Variants in YAP1 observed in about 807,000 individuals in gnomAD.
The protein encoded by YAP1 is transcriptional coactivator YAP1.
A neutral mutation model predicts 56.9 loss-of-function variants in YAP1; 5 were observed. The ratio of observed to expected loss-of-function variants is 0.09; its 90% CI spans 0.05 to 0.18. YAP1 has a LOEUF of 0.18. Among genes scored for constraint, YAP1 ranks in the 10% least tolerant of loss-of-function variants. The probability of loss-of-function intolerance (pLI) is 1.00; values close to 1 mark genes in which losing one functional copy is unlikely to be tolerated. For missense variants in YAP1, 539 were observed against 651.8 expected (o/e 0.83, Z 1.88); for synonymous variants, 265 against 248.1 (o/e 1.07, Z -0.64).
intron 2 of YAP1, 43 bp from the exon 3 acceptor site, chr11:102,162,413 A>G: frequency 6.4e-7 from 1 of 1,559,372 alleles, no homozygotes; most frequent in Non-Finnish European, 8.8e-7. Context: ...TGTTTTTGGA[A>G]CCTGGTATTT....
chr11:102,117,230 G>T (rs1299340469), intron 2 of YAP1, among the ~76,000 whole-genome samples: 1 of 152,132 alleles, frequency 6.6e-6, no homozygotes, highest in Non-Finnish European at 1.5e-5. Context: ...GGCTGTCTTT[G>T]TAATCAATAT....
intron 2 of YAP1, among the ~76,000 whole-genome samples, chr11:102,155,789 A>G (rs889572423): frequency 6.6e-6 from 1 of 152,198 alleles, no homozygotes; most frequent in Non-Finnish European, 1.5e-5. Context: ...ATGTCACCAT[A>G]AATATACAGT....
chr11:102,185,890 C>T (rs1201448795), intron 3 of YAP1, 128 bp from the exon 4 acceptor site: 3 of 955,814 alleles, frequency 3.1e-6, no homozygotes, highest in South Asian at 1.9e-5. Context: ...TGAACACAGC[C>T]TTAAATATGT....
intron 3 of YAP1, among the ~76,000 whole-genome samples, chr11:102,173,460 T>C (rs1417035172): frequency 6.6e-6 from 1 of 152,184 alleles, no homozygotes; most frequent in Non-Finnish European, 1.5e-5. Flanking sequence ...AGCTACTTCC[T>C]TAGGTATAGT....
At chr11:102,150,886 T>C (rs7126944) in intron 2 of YAP1, among the ~76,000 whole-genome samples, 87,271 of 149,332 alleles carry the variant, frequency 0.58, 26,329 homozygotes, top group South Asian at 0.76. Context: ...CTGCAGTCTC[T>C]GCCTCCTAGG....
At chr11:102,205,846 C>G (rs780745778) in intron 4 of YAP1, 47 bp from the exon 5 acceptor site, 9 of 1,448,190 alleles carry the variant, frequency 6.2e-6, no homozygotes, top group Non-Finnish European at 8.2e-6. Flanking sequence ...ATTTTATCTT[C>G]CTTCACTAGT....
At chr11:102,150,639 G>A (rs1227490256) in intron 2 of YAP1, among the ~76,000 whole-genome samples, 1 of 151,950 alleles carries the variant, frequency 6.6e-6, no homozygotes, top group East Asian at 1.9e-4. Context: ...ATAGCATTGT[G>A]TATGGCTTAC....
intron 2 of YAP1, among the ~76,000 whole-genome samples, chr11:102,159,240 C>T (rs925316154): frequency 6.6e-6 from 1 of 152,094 alleles, no homozygotes; most frequent in African/African-American, 2.4e-5. Context: ...TGTGGTGCCG[C>T]ACAGGTCCTC....
intron 4 of YAP1, among the ~76,000 whole-genome samples, chr11:102,196,680 A>G (rs1426260488): frequency 4.6e-5 from 7 of 150,842 alleles, no homozygotes; most frequent in African/African-American, 7.3e-5. Flanking sequence ...GATCGTGGCA[A>G]TGGGTGTACA....
At chr11:102,126,341 A>C (rs1425136202) in intron 2 of YAP1, among the ~76,000 whole-genome samples, 1 of 152,298 alleles carries the variant, frequency 6.6e-6, no homozygotes, top group East Asian at 1.9e-4. Context: ...TGAAATCTCA[A>C]TGTGAATTTT....
rs773648098 is a variant in YAP1, at chr11:102,206,009, C to G, written c.919C>G (p.Arg307Gly). Residue 307 changes from arginine to glycine, a missense_variant, in exon 5 of 9, where the codon CGA (arginine) becomes GGA (glycine). Arg to Gly is a moderately radical substitution (Grantham distance 125). This residue lies in a region of YAP1 where 414 missense variants were observed against 512.4 expected (regional missense o/e 0.81). Coordinates refer to ENST00000282441, the MANE Select transcript of YAP1 (RefSeq NM_001130145.3). ...CAACTCCAACCAGCAGCAACAGATG[C>G]GACTGCAGCAACTGCAGATGGAGAA... Reference protein sequence around the residue: ...GSNSNQQQQMRLQQLQMEKER... With the variant: ...GSNSNQQQQMGLQQLQMEKER... The G allele has an allele frequency of 2.5e-6, 4 of 1,613,858 alleles. No homozygotes were observed. The highest frequency in any genetic ancestry group is 2.2e-5 in the South Asian group (2 of 91,026).
chr11:102,187,916 G>A (rs1442710067), intron 4 of YAP1, among the ~76,000 whole-genome samples: 1 of 152,208 alleles, frequency 6.6e-6, no homozygotes, highest in African/African-American at 2.4e-5. Flanking sequence ...GGCCCACCGT[G>A]TGTGTATTCC....
chr11:102,136,776 GA>G (rs1471212259), intron 2 of YAP1, among the ~76,000 whole-genome samples: 1 of 152,144 alleles, frequency 6.6e-6, no homozygotes, highest in African/African-American at 2.4e-5. Context: ...ACGATTTACT[GA>G]AAAGTTCACT....
intron 7 of YAP1, among the ~76,000 whole-genome samples, chr11:102,224,690 A>G (rs969094828): frequency 6.6e-6 from 1 of 152,232 alleles, no homozygotes; most frequent in Non-Finnish European, 1.5e-5. Flanking sequence ...TAAGATTAGT[A>G]CTGGTGGCCT....
At chr11:102,208,573 G>T (rs182710916) in intron 5 of YAP1, among the ~76,000 whole-genome samples, 1 of 151,714 alleles carries the variant, frequency 6.6e-6, no homozygotes, top group Admixed American at 6.6e-5. Context: ...AATATTTTTC[G>T]TCTACTATTG....
chr11:102,220,948 A>G (rs1299560164), intron 6 of YAP1, among the ~76,000 whole-genome samples: 1 of 152,194 alleles, frequency 6.6e-6, no homozygotes, highest in Non-Finnish European at 1.5e-5. Flanking sequence ...AATGAAGAGA[A>G]ACACTGATCA....
rs142713369 is a variant in YAP1, at chr11:102,153,369, G to A, written c.573-9087G>A. Among the ~76,000 whole-genome samples the A allele has an allele frequency of 6.1e-3, 933 of 152,206 alleles. 10 individuals are homozygous for A. Among genetic ancestry groups the A allele is most frequent in the African/African-American group, 0.021 (891 of 41,526 alleles). Reference sequence around the variant, plus strand: ...TGCTCCTCCCCACCACAGTTGTAGTGGACAAAACATTTTATGAAAACTCTT... The same window carrying A: ...TGCTCCTCCCCACCACAGTTGTAGTAGACAAAACATTTTATGAAAACTCTT... On this transcript the variant is annotated intron_variant, in intron 2 of 8. Coordinates refer to ENST00000282441, the MANE Select transcript of YAP1 (RefSeq NM_001130145.3).
chr11:102,209,017 CTTT>C (rs2135613584), intron 5 of YAP1, among the ~76,000 whole-genome samples: 1 of 152,256 alleles, frequency 6.6e-6, no homozygotes, highest in Admixed American at 6.5e-5. Flanking sequence ...AAGGTAACTT[CTTT>C]GTTTCATCTT....
At chr11:102,189,826 A>G (rs1415985612) in intron 4 of YAP1, among the ~76,000 whole-genome samples, 1 of 152,244 alleles carries the variant, frequency 6.6e-6, no homozygotes, top group African/African-American at 2.4e-5. Flanking sequence ...CTAAAGCCGA[A>G]GGTTGTTGAG....
Sources: allele counts gnomAD v4.1 joint callset (sites outside exome capture counted in the v4.1 genomes callset), GRCh38; gene constraint gnomAD v4.1.1; regional missense constraint gnomAD v4.1.1; transcripts MANE v1.5; gene names NCBI Gene and HGNC (gene_info 2026-07-23, HGNC 2026-07-21).